SPEF2: variants seen among roughly 807,000 people sequenced by gnomAD.
The protein encoded by SPEF2 is sperm flagella and cilia-associated protein 2.
In SPEF2, 187 loss-of-function variants were observed where a neutral mutation model predicts 224.6. That is an observed-to-expected ratio of 0.83 (90% CI 0.74 to 0.94). The LOEUF is 0.94. Among genes scored for constraint, SPEF2 ranks in the 40% least tolerant of loss-of-function variants. The pLI is 0.00. For synonymous variants in SPEF2, 715 were observed against 707.3 expected (o/e 1.01, Z -0.17); for missense variants, 2,170 against 2,135.6 (o/e 1.02, Z -0.32).
chr5:35,662,391 G>C (rs890252476), intron 8 of SPEF2, among the ~76,000 whole-genome samples: 1 of 152,118 alleles, frequency 6.6e-6, no homozygotes, highest in Non-Finnish European at 1.5e-5. Context: ...GGTATACTCT[G>C]TCAACAGTTT....
rs190568239 is a variant in SPEF2 at position 35,638,820 on chromosome 5, G to T, written c.162-2611G>T. 5.2e-4 allele frequency among the ~76,000 whole-genome samples: 79 copies of T among 152,166 alleles called. 1 individual carries two copies. In the East Asian group the frequency reaches 0.014, roughly 26 times the overall value. ...TTCTTTGTGCTCCAAGCATTGTCCT[G>T]GTCCATAGTAGGCTCATAATATTGT... On this transcript the variant is annotated intron_variant, in intron 2 of 36. Transcript: ENST00000356031.
At chr5:35,753,434 C>T (rs534624813) in intron 23 of SPEF2, among the ~76,000 whole-genome samples, 190 bp from the exon 24 acceptor site, 1 of 152,174 alleles carries the variant, frequency 6.6e-6, no homozygotes, top group East Asian at 1.9e-4. Context: ...CCTCTTCAAA[C>T]GTAAGGGACT....
At chr5:35,799,306 C>A (rs777818175) in intron 33 of SPEF2, among the ~76,000 whole-genome samples, 3 of 152,162 alleles carry the variant, frequency 2.0e-5, no homozygotes, top group Non-Finnish European at 4.4e-5. Context: ...CTTTGGAGGG[C>A]CCCAGAGGAT....
At position 35,700,429 on chromosome 5, in the gene SPEF2, T is replaced by C. The variant is rs1343427604; in HGVS notation, c.2142-67T>C. 5 of 1,383,626 alleles carry C rather than the reference T, an allele frequency of 3.6e-6. No individual in the cohort carries two copies. The African/African-American group carries it at 7.3e-5, about 20-fold the overall frequency. 85.7% of individuals were successfully genotyped at this position (1,383,626 alleles called of 1,614,324 possible). ...TGGAATTGAAAGAAAAAGGAAAGAT[T>C]CATCATAGTATTTCCAAAGTACTTG... On this transcript the variant is annotated intron_variant, in intron 15 of 36. Transcript: ENST00000356031.
intron 32 of SPEF2, among the ~76,000 whole-genome samples, chr5:35,794,618 G>C (rs1756411760): frequency 6.6e-6 from 1 of 152,192 alleles, no homozygotes; most frequent in African/African-American, 2.4e-5. Context: ...GCTGTCTTAA[G>C]ATTTTTAAAA....
chr5:35,631,651 A>G (rs1412435050), intron 2 of SPEF2, among the ~76,000 whole-genome samples: 2 of 152,222 alleles, frequency 1.3e-5, no homozygotes, highest in Admixed American at 1.3e-4. Context: ...GTGATAACAC[A>G]ACGTTCATAG....
chr5:35,788,524 A>C (rs1029698810), intron 30 of SPEF2: 8 of 702,574 alleles, frequency 1.1e-5, no homozygotes, highest in Middle Eastern at 2.3e-4. Context: ...TTGCACATGC[A>C]GGAAAGGTGC....
chr5:35,648,882 C>T (rs1031870948), intron 5 of SPEF2, among the ~76,000 whole-genome samples: 3 of 151,728 alleles, frequency 2.0e-5, no homozygotes, highest in African/African-American at 7.3e-5. Flanking sequence ...GTTGTGGTGG[C>T]GCATGCCTGT....
At chr5:35,726,126 T>A in intron 20 of SPEF2, among the ~76,000 whole-genome samples, 1 of 152,236 alleles carries the variant, frequency 6.6e-6, no homozygotes, top group East Asian at 1.9e-4. Flanking sequence ...TTTTATTCAT[T>A]CAAATATTTT....
rs975062790 is a variant in SPEF2 at position 35,667,234 on chromosome 5, G to T, written c.1330G>T (p.Ala444Ser). Residue 444 changes from alanine (A) to serine (S), a missense_variant, in exon 9 of 37, where the codon GCA becomes TCA. By Grantham distance (99) the Ala-to-Ser change is moderately conservative. Coordinates refer to ENST00000356031, the MANE Select transcript of SPEF2 (RefSeq NM_024867.4). Reference protein sequence around the residue: ...DQIVDLSTKVADYRMLTNNLI... With the variant: ...DQIVDLSTKVSDYRMLTNNLI... Reference sequence around the variant, plus strand: ...AATAGTTGATTTGTCCACTAAAGTGGCAGACTATCGAATGTTGACAAATAA... The same window carrying T: ...AATAGTTGATTTGTCCACTAAAGTGTCAGACTATCGAATGTTGACAAATAA... The T allele has an allele frequency of 4.4e-6, 7 of 1,601,556 alleles. No homozygotes were observed. Among genetic ancestry groups the T allele is most frequent in the African/African-American group, 2.7e-5 (2 of 74,582 alleles).
intron 14 of SPEF2, among the ~76,000 whole-genome samples, chr5:35,697,325 A>G (rs1415258432): frequency 6.6e-6 from 1 of 152,230 alleles, no homozygotes; most frequent in Non-Finnish European, 1.5e-5. Context: ...TGAGAACTTC[A>G]CTGGTCAAGG....
intron 16 of SPEF2, among the ~76,000 whole-genome samples, chr5:35,702,581 G>C (rs1580351737): frequency 1.3e-5 from 2 of 152,156 alleles, no homozygotes; most frequent in African/African-American, 4.8e-5. Flanking sequence ...TTCTGGGACC[G>C]ATAATGTTTG....
intron 21 of SPEF2, among the ~76,000 whole-genome samples, chr5:35,735,232 T>C (rs1036107397): frequency 4.6e-5 from 7 of 152,322 alleles, no homozygotes; most frequent in Non-Finnish European, 8.8e-5. Flanking sequence ...TTTTGGTTGA[T>C]TTACTCATTG....
At chr5:35,703,349 G>T (rs543457673) in intron 16 of SPEF2, among the ~76,000 whole-genome samples, 1 of 152,192 alleles carries the variant, frequency 6.6e-6, no homozygotes, top group African/African-American at 2.4e-5. Flanking sequence ...ATGCAGTTTA[G>T]GTTTGCTAGA....
At chr5:35,641,405 A>G (rs940332686) in intron 2 of SPEF2, 26 bp from the exon 3 acceptor site, 3 of 1,589,058 alleles carry the variant, frequency 1.9e-6, no homozygotes, top group African/African-American at 1.4e-5. Flanking sequence ...CTAATGTCTA[A>G]TTATGTAAAA....
At chr5:35,720,642 A>T (rs1220041689) in intron 20 of SPEF2, among the ~76,000 whole-genome samples, 1 of 152,234 alleles carries the variant, frequency 6.6e-6, no homozygotes, top group Admixed American at 6.5e-5. Context: ...TTAACATAAC[A>T]ACCTTAATTA....
chr5:35,769,989 A>ATGTGTGTGTG (rs10627412), intron 26 of SPEF2, among the ~76,000 whole-genome samples: 1 of 142,258 alleles, frequency 7.0e-6, no homozygotes, highest in African/African-American at 2.7e-5. Context: ...TGCCTCCATA[A>ATGTGTGTGTG]TGTGTGTGTG....
At chr5:35,749,123 C>CA (rs1232395566) in intron 23 of SPEF2, among the ~76,000 whole-genome samples, 2 of 151,888 alleles carry the variant, frequency 1.3e-5, no homozygotes, top group Non-Finnish European at 2.9e-5. Context: ...TCAATAGATG[C>CA]AGAAAAAGCA....
Position 35,779,097 on chromosome 5 carries a change from A to G in SPEF2, c.4218-20A>G. 6.3e-7 allele frequency: 1 copy of G among 1,580,544 alleles called. No individual in the cohort carries two copies. Among genetic ancestry groups the G allele is most frequent in the Non-Finnish European group, 8.7e-7 (1 of 1,154,130 alleles). On this transcript the variant is annotated intron_variant, in intron 29 of 36. Coordinates refer to ENST00000356031, the MANE Select transcript of SPEF2 (RefSeq NM_024867.4). ...TAGTATCTTTCATGGGGTTAACGCT[A>G]TCCATTTTACCACTTTCAGTACAGA...
Sources: allele counts gnomAD v4.1 joint callset (sites outside exome capture counted in the v4.1 genomes callset), GRCh38; gene constraint gnomAD v4.1.1; transcripts MANE v1.5; gene names NCBI Gene and HGNC (gene_info 2026-07-23, HGNC 2026-07-21).